CC2D2B: variants seen among roughly 807,000 people sequenced by gnomAD.
CC2D2B encodes protein CC2D2B.
In CC2D2B, 128 loss-of-function variants were observed where a neutral mutation model predicts 161.2. The ratio of observed to expected loss-of-function variants is 0.79; its 90% CI spans 0.69 to 0.92. The LOEUF (loss-of-function observed/expected upper bound fraction) is 0.92, where lower values mean the gene tolerates loss of function less well. Among genes scored for constraint, CC2D2B ranks in the 40% least tolerant of loss-of-function variants. The pLI, the probability that CC2D2B is intolerant of heterozygous loss-of-function variation, is 0.00. For missense variants in CC2D2B, 1,173 were observed against 1,375.1 expected, an observed-to-expected ratio of 0.85 and a Z score of 2.32; for synonymous variants, 391 against 449.8, an observed-to-expected ratio of 0.87 and a Z score of 1.65.
rs2076926793 is a variant in CC2D2B, at chr10:95,965,973, A to G, written c.1328A>G (p.Glu443Gly). 1 of 1,212,744 alleles carries G rather than the reference A, an allele frequency of 8.2e-7. No individual in the cohort carries two copies. The highest frequency in any genetic ancestry group is 4.2e-5 in the South Asian group (1 of 23,924). 75.1% of individuals were successfully genotyped at this position (1,212,744 alleles called of 1,614,324 possible). A position where few individuals can be genotyped will look rare whatever the true frequency, so the allele number is the denominator to read the frequency against. The change falls in exon 13 of 35, where the codon GAA becomes GGA. Residue 443 changes from glutamate (E) to glycine (G), a missense_variant. By Grantham distance (98) the Glu-to-Gly change is moderately conservative. Transcript: ENST00000646931. Reference sequence around the variant, plus strand: ...ACTGAGAAGAAAAATGAAGGAAAAGAACTTAAGAATGGGAAAAAACTGGAG... The same window carrying G: ...ACTGAGAAGAAAAATGAAGGAAAAGGACTTAAGAATGGGAAAAAACTGGAG... ...SETEKKNEGKELKNGKKLESL... is the reference protein window; with the variant it reads ...SETEKKNEGKGLKNGKKLESL...
intron 17 of CC2D2B, among the ~76,000 whole-genome samples, chr10:95,980,183 AAGGAAGGAAGAG>A (rs888688008): frequency 1.4e-5 from 2 of 147,102 alleles, no homozygotes; most frequent in African/African-American, 4.9e-5. Context: ...AGGAGGAAGG[AAGGAAGGAAGAG>A]AGGAAGGGAG....
chr10:95,968,447 A>G (rs2077016891), intron 14 of CC2D2B, among the ~76,000 whole-genome samples: 1 of 152,204 alleles, frequency 6.6e-6, no homozygotes, highest in African/African-American at 2.4e-5. Flanking sequence ...ATCTCTTTAA[A>G]TTGTAATTTA....
At chr10:96,031,779 G>T (rs762869291) in intron 34 of CC2D2B, 41 bp from the exon 35 acceptor site, 1 of 1,511,784 alleles carries the variant, frequency 6.6e-7, no homozygotes, top group Non-Finnish European at 9.1e-7. Context: ...AGATTACCCA[G>T]TTGTAATGTG....
chr10:95,969,086 C>T (rs2077035924), intron 15 of CC2D2B, among the ~76,000 whole-genome samples, 185 bp downstream of exon 15: 1 of 152,094 alleles, frequency 6.6e-6, no homozygotes, highest in Non-Finnish European at 1.5e-5. Flanking sequence ...GCTGTAAGTA[C>T]AAAGTTATTT....
intron 6 of CC2D2B, among the ~76,000 whole-genome samples, chr10:95,933,627 G>C (rs1037882189): frequency 2.0e-5 from 3 of 151,930 alleles, no homozygotes; most frequent in Non-Finnish European, 2.9e-5. Flanking sequence ...AGTTTTCCTT[G>C]TAAGAGACCC....
At chr10:95,951,881 C>T (rs146228355) in intron 10 of CC2D2B, among the ~76,000 whole-genome samples, 1 of 152,134 alleles carries the variant, frequency 6.6e-6, no homozygotes, top group Non-Finnish European at 1.5e-5. Flanking sequence ...TGTAATTTCT[C>T]AGTGGATTTT....
intron 6 of CC2D2B, among the ~76,000 whole-genome samples, chr10:95,933,168 G>T (rs547828892): frequency 1.3e-5 from 2 of 151,508 alleles, no homozygotes; most frequent in South Asian, 2.1e-4. Context: ...CTGCTTGATC[G>T]ATTCAGCTGT....
Position 95,947,078 on chromosome 10 carries a change from C to CAAA in CC2D2B, c.802-2815_802-2813dup, listed in dbSNP as rs368168752. Among the ~76,000 whole-genome samples the CAAA allele has an allele frequency of 2.7e-4, 14 of 52,116 alleles. 1 individual carries two copies. Among genetic ancestry groups the CAAA allele is most frequent in the East Asian group, 1.4e-3 (5 of 3,458 alleles). 34.2% of individuals were successfully genotyped at this position (52,116 alleles called of 152,430 possible). ...GTGCATAAATTCCAAATAGTGGACT[C>CAAA]AAAAATATATATATATATATATATA... On this transcript the variant is annotated intron_variant, in intron 9 of 34. Coordinates refer to ENST00000646931, the MANE Select transcript of CC2D2B (RefSeq NM_001349008.3).
Position 96,012,357 on chromosome 10 carries a change from C to A in CC2D2B, c.3218C>A (p.Thr1073Lys), listed in dbSNP as rs955596804. 4.3e-6 allele frequency: 3 copies of A among 691,498 alleles called. No homozygotes were observed. Among genetic ancestry groups the A allele is most frequent in the Admixed American group, 2.2e-5 (1 of 46,306 alleles). The allele number at this position is 691,498 out of a possible 1,614,324, so 42.8% of individuals were successfully genotyped here. The change falls in exon 27 of 35, where the codon ACA becomes AAA. Residue 1073 changes from threonine to lysine, a missense_variant. Physicochemically the swap from Thr to Lys is moderately conservative, Grantham distance 78. This residue lies in a region of CC2D2B where 598 missense variants were observed against 693.2 expected (regional missense o/e 0.86). Coordinates refer to ENST00000646931, the MANE Select transcript of CC2D2B (RefSeq NM_001349008.3). Reference protein sequence around the residue: ...PQISYVTCNPTLDKFLDQTEV... With the variant: ...PQISYVTCNPKLDKFLDQTEV... ...ATATCATATGTCACCTGTAATCCAA[C>A]ACTAGATAAGGTAGGTTTTACATTG...
At chr10:95,935,884 C>A (rs752431285) in intron 6 of CC2D2B, among the ~76,000 whole-genome samples, 3 of 152,182 alleles carry the variant, frequency 2.0e-5, no homozygotes, top group Non-Finnish European at 4.4e-5. Flanking sequence ...ACACTTATCA[C>A]CACTTAATGT....
At chr10:95,932,136 C>A (rs2075625674) in intron 6 of CC2D2B, among the ~76,000 whole-genome samples, 3 of 152,082 alleles carry the variant, frequency 2.0e-5, no homozygotes, top group Admixed American at 2.0e-4. Flanking sequence ...TTATGTAATG[C>A]CCTTCTTTGT....
At chr10:96,000,023 A>G in intron 24 of CC2D2B, 3 of 1,361,826 alleles carry the variant, frequency 2.2e-6, no homozygotes, top group Non-Finnish European at 3.0e-6. Flanking sequence ...TTTGTTTACA[A>G]CAATGCCAAC....
intron 6 of CC2D2B, among the ~76,000 whole-genome samples, chr10:95,930,183 T>C (rs2098547396): frequency 6.6e-6 from 1 of 152,220 alleles, no homozygotes; most frequent in Admixed American, 6.5e-5. Context: ...CACTCATGAT[T>C]TGGCTCTCTG....
Position 95,988,264 on chromosome 10 carries a change from G to A in CC2D2B, c.2301G>A (p.Gln767=). 1 of 1,217,410 alleles carries A rather than the reference G, an allele frequency of 8.2e-7. No individual in the cohort carries two copies. The highest frequency in any genetic ancestry group is 1.0e-6 in the Non-Finnish European group (1 of 972,908). 75.4% of individuals were successfully genotyped at this position (1,217,410 alleles called of 1,614,324 possible). The change falls in exon 20 of 35, where the codon CAG becomes CAA. Residue 767 remains glutamine, a synonymous_variant. Transcript: ENST00000646931. ...TCTGTATTTAGGAGTATGAAAGTCAGAAAGAGAAGGAGGTATCCGTTTCAG... is the reference window on the plus strand; with the variant it reads ...TCTGTATTTAGGAGTATGAAAGTCAAAAAGAGAAGGAGGTATCCGTTTCAG... ...PDLVFQEYES[Q]KEKEVSVSDV... is the part of the protein sequence containing the mutation.
chr10:95,962,763 GT>G (rs35198734), intron 12 of CC2D2B, among the ~76,000 whole-genome samples: 482 of 130,786 alleles, frequency 3.7e-3, no homozygotes, highest in East Asian at 0.031. Flanking sequence ...TGCTGCAGTA[GT>G]TTTTTTTTTT....
At chr10:95,959,928 A>G (rs1177719024) in intron 11 of CC2D2B, among the ~76,000 whole-genome samples, 1 of 152,184 alleles carries the variant, frequency 6.6e-6, no homozygotes, top group Non-Finnish European at 1.5e-5. Context: ...GTTAACCTGA[A>G]AAAAGTGTAA....
rs2077548675 is a variant in CC2D2B, at chr10:95,981,991, G to A, written c.1960G>A (p.Asp654Asn). Reference sequence around the variant, plus strand: ...CTATGTTAGTATGTTAAGGAATGTAGATGCAAGAAGTGTTCCTGGAATTCC... The same window carrying A: ...CTATGTTAGTATGTTAAGGAATGTAAATGCAAGAAGTGTTCCTGGAATTCC... ...SSYCSMLRNV[D>N]ARSVPGIPWL... The change falls in exon 18 of 35, where the codon GAT becomes AAT. Residue 654 changes from aspartate (D) to asparagine (N), a missense_variant. Coordinates refer to ENST00000646931, the MANE Select transcript of CC2D2B (RefSeq NM_001349008.3). The A allele has an allele frequency of 2.4e-6, 3 of 1,229,496 alleles. No individual in the cohort carries two copies. In the Admixed American group the frequency reaches 1.3e-4, roughly 52 times the overall value. The allele number at this position is 1,229,496 out of a possible 1,614,324, so 76.2% of individuals were successfully genotyped here.
rs4501925 is a variant in CC2D2B, at chr10:95,995,623, C to G, written c.2739+258C>G. On this transcript the variant is annotated intron_variant, in intron 23 of 34. Coordinates refer to ENST00000646931, the MANE Select transcript of CC2D2B (RefSeq NM_001349008.3). Reference sequence around the variant, plus strand: ...GGCCCATGCCTACAATCAGCCTCATCTCTTTCTATCCCATAGGCATATCAT... The same window carrying G: ...GGCCCATGCCTACAATCAGCCTCATGTCTTTCTATCCCATAGGCATATCAT... Among the ~76,000 whole-genome samples, 505 of 152,360 alleles carry G rather than the reference C, an allele frequency of 3.3e-3. 1 individual carries two copies. The highest frequency in any genetic ancestry group is 0.011 in the African/African-American group (447 of 41,578).
At chr10:95,977,446 C>T (rs1046677522) in intron 17 of CC2D2B, among the ~76,000 whole-genome samples, 1 of 152,114 alleles carries the variant, frequency 6.6e-6, no homozygotes, top group Non-Finnish European at 1.5e-5. Context: ...CCTAAATGAT[C>T]GTTGTCTAGA....
Sources: allele counts gnomAD v4.1 joint callset (sites outside exome capture counted in the v4.1 genomes callset), GRCh38; gene constraint gnomAD v4.1.1; regional missense constraint gnomAD v4.1.1; transcripts MANE v1.5; gene names NCBI Gene and HGNC (gene_info 2026-07-23, HGNC 2026-07-21).